CPEB3: variants seen among roughly 807,000 people sequenced by gnomAD.
CPEB3 encodes the protein cytoplasmic polyadenylation element-binding protein 3.
In CPEB3, 20 loss-of-function variants were observed where a neutral mutation model predicts 67.2. That is an observed-to-expected ratio of 0.30 (90% confidence interval 0.21 to 0.43). CPEB3 has a LOEUF of 0.43. CPEB3 is among the 20% of genes least tolerant of loss of function. The probability of loss-of-function intolerance (pLI) is 1.00; values close to 1 mark genes in which losing one functional copy is unlikely to be tolerated. For synonymous variants in CPEB3, 376 were observed against 393.1 expected (o/e 0.96, Z 0.51); for missense variants, 746 against 968.6 (o/e 0.77, Z 3.05).
At chr10:92,099,249 C>T (rs1249161449) in intron 7 of CPEB3, among the ~76,000 whole-genome samples, 2 of 146,234 alleles carry the variant, frequency 1.4e-5, no homozygotes, top group African/African-American at 5.1e-5. Flanking sequence ...GAGACAGGGT[C>T]TCAGTCTGTC....
At chr10:92,121,707 T>C (rs1845398760) in intron 6 of CPEB3, among the ~76,000 whole-genome samples, 1 of 151,992 alleles carries the variant, frequency 6.6e-6, no homozygotes, top group Non-Finnish European at 1.5e-5. Context: ...AGCTGTATCC[T>C]GAACCACTGC....
chr10:92,077,034 T>C (rs1049750077), intron 9 of CPEB3, among the ~76,000 whole-genome samples: 5 of 152,120 alleles, frequency 3.3e-5, no homozygotes, highest in African/African-American at 9.7e-5. Flanking sequence ...TTCTATGAGA[T>C]ATGAGACTAC....
At chr10:92,238,287 C>T (rs894685044) in intron 2 of CPEB3, among the ~76,000 whole-genome samples, 4 of 152,214 alleles carry the variant, frequency 2.6e-5, no homozygotes, top group Non-Finnish European at 2.9e-5. Flanking sequence ...ACCCGCACTA[C>T]GCCTTTCCAA....
rs757246595 is a variant in CPEB3, at chr10:92,240,183, G to A, written c.168C>T (p.Leu56=). ...GGGCCGGGGGGGCAGCGGCTGGGCTGAGGGCCGGCACTGCGCTGTTTTCCT... is the reference window on the plus strand; with the variant it reads ...GGGCCGGGGGGGCAGCGGCTGGGCTAAGGGCCGGCACTGCGCTGTTTTCCT... ...KPEENSAVPA[L]SPAAAPPAPN... is the part of the protein sequence containing the mutation. The change falls in exon 2 of 10, where the codon CTC becomes CTT. Residue 56 remains leucine, a synonymous_variant. Coordinates refer to ENST00000265997, the MANE Select transcript of CPEB3 (RefSeq NM_014912.5). 3.3e-6 allele frequency: 5 copies of A among 1,532,412 alleles called. No individual in the cohort carries two copies. In the African/African-American group the frequency reaches 5.5e-5, roughly 17 times the overall value. 94.9% of individuals were successfully genotyped at this position (1,532,412 alleles called of 1,614,324 possible).
intron 2 of CPEB3, among the ~76,000 whole-genome samples, chr10:92,209,149 G>A (rs1196755926): frequency 2.0e-5 from 3 of 152,116 alleles, no homozygotes; most frequent in African/African-American, 4.8e-5. Flanking sequence ...TAGCACTAAC[G>A]TTTGACAGTA....
chr10:92,258,677 T>TATATAC, intron 1 of CPEB3, among the ~76,000 whole-genome samples: 2 of 129,460 alleles, frequency 1.5e-5, no homozygotes, highest in Non-Finnish European at 3.2e-5. Flanking sequence ...TATATATATA[T>TATATAC]ATTTCATGTA....
At position 92,286,084 on chromosome 10, in the gene CPEB3, C is replaced by T. The variant is rs547688983; in HGVS notation, c.-12+4842G>A. ...CCGAGTAGCTGGGACTACAGGCGCCCGCCACCATGCCCGGCTAATTTTTTG... is the reference window on the plus strand; with the variant it reads ...CCGAGTAGCTGGGACTACAGGCGCCTGCCACCATGCCCGGCTAATTTTTTG... On this transcript the variant is annotated intron_variant, in intron 1 of 9. Transcript: ENST00000265997. 2.7e-4 allele frequency among the ~76,000 whole-genome samples: 41 copies of T among 151,798 alleles called. 1 individual carries two copies. Among genetic ancestry groups the T allele is most frequent in the African/African-American group, 9.4e-4 (39 of 41,430 alleles).
chr10:92,117,324 CTTT>C (rs35220275), intron 6 of CPEB3, among the ~76,000 whole-genome samples: 961 of 79,886 alleles, frequency 0.012, 14 homozygotes, highest in African/African-American at 0.045. Flanking sequence ...GCCTGGCTGA[CTTT>C]TTTTTTTTTT....
intron 6 of CPEB3, among the ~76,000 whole-genome samples, chr10:92,142,656 C>T (rs1846492704): frequency 6.6e-6 from 1 of 152,156 alleles, no homozygotes; most frequent in Non-Finnish European, 1.5e-5. Context: ...TTTACAAGAT[C>T]TATAAAACCA....
chr10:92,239,203 A>C lies in CPEB3; in HGVS notation c.1005+143T>G, dbSNP rs540408024. 1.5e-4 allele frequency: 129 copies of C among 857,416 alleles called. 3 individuals are homozygous for C. In the South Asian group the frequency reaches 1.8e-3, roughly 12 times the overall value. 53.1% of individuals were successfully genotyped at this position (857,416 alleles called of 1,614,324 possible). ...TCCTCTGATAATGGAACAGCCCTAAAGAACTGGAGGCTTCGGAAGGGGAAA... is the reference window on the plus strand; with the variant it reads ...TCCTCTGATAATGGAACAGCCCTAACGAACTGGAGGCTTCGGAAGGGGAAA... On this transcript the variant is annotated intron_variant, in intron 2 of 9. Coordinates refer to ENST00000265997, the MANE Select transcript of CPEB3 (RefSeq NM_014912.5). The surrounding 1 kb of genome is among the most constrained non-coding windows in gnomAD (Gnocchi z 6.0).
chr10:92,138,545 T>G lies in CPEB3; in HGVS notation c.1453+4484A>C, dbSNP rs778655133. On this transcript the variant is annotated intron_variant, in intron 6 of 9. Coordinates refer to ENST00000265997, the MANE Select transcript of CPEB3 (RefSeq NM_014912.5). Reference sequence around the variant, plus strand: ...AAAAAGGGAGGGTGAAAGATCTGAATAGGCATTTCTCAAAAGACAATATAC... The same window carrying G: ...AAAAAGGGAGGGTGAAAGATCTGAAGAGGCATTTCTCAAAAGACAATATAC... Among the ~76,000 whole-genome samples, 5 of 146,504 alleles carry G rather than the reference T, an allele frequency of 3.4e-5. No individual in the cohort carries two copies. The Admixed American group carries it at 3.4e-4, about 10-fold the overall frequency.
chr10:92,204,423 C>G (rs904814446), intron 2 of CPEB3: 1 of 152,226 alleles, frequency 6.6e-6, no homozygotes, highest in African/African-American at 2.4e-5. Flanking sequence ...GGCTCCTCCT[C>G]CTTTCAGAAA....
chr10:92,192,019 C>A (rs1326490451), intron 3 of CPEB3, among the ~76,000 whole-genome samples: 1 of 152,192 alleles, frequency 6.6e-6, no homozygotes, highest in Non-Finnish European at 1.5e-5. Flanking sequence ...TGTGGTGATA[C>A]TTCCTATACT....
At chr10:92,142,204 C>T (rs1374072605) in intron 6 of CPEB3, among the ~76,000 whole-genome samples, 2 of 152,054 alleles carry the variant, frequency 1.3e-5, no homozygotes, top group Non-Finnish European at 2.9e-5. Context: ...TAATTTGATT[C>T]ATTTATGAGG....
intron 1 of CPEB3, among the ~76,000 whole-genome samples, chr10:92,246,261 G>C (rs181878761): frequency 0.028 from 4,269 of 151,088 alleles, 78 homozygotes; most frequent in Non-Finnish European, 0.044. Context: ...GTGAACCCGG[G>C]AGGCGGAGCT....
chr10:92,286,806 C>T (rs1337823530), intron 1 of CPEB3, among the ~76,000 whole-genome samples: 1 of 151,968 alleles, frequency 6.6e-6, no homozygotes, highest in Non-Finnish European at 1.5e-5. Flanking sequence ...TACTCCAGGC[C>T]CCTTTATGGT....
At chr10:92,157,811 G>A (rs1170797758) in intron 4 of CPEB3, among the ~76,000 whole-genome samples, 1 of 151,868 alleles carries the variant, frequency 6.6e-6, no homozygotes, top group Non-Finnish European at 1.5e-5. Flanking sequence ...AAACTTTAAG[G>A]AGAAATAGTC....
intron 1 of CPEB3, among the ~76,000 whole-genome samples, chr10:92,259,399 C>T (rs368766118): frequency 1.3e-5 from 2 of 151,692 alleles, no homozygotes; most frequent in South Asian, 2.1e-4. Flanking sequence ...GTCAGGAGTT[C>T]GAGATAAGCC....
At chr10:92,128,646 T>G (rs942590935) in intron 6 of CPEB3, among the ~76,000 whole-genome samples, 1 of 152,046 alleles carries the variant, frequency 6.6e-6, no homozygotes, top group Non-Finnish European at 1.5e-5. Context: ...TTCAACAAAT[T>G]TATAAGAAAA....
Sources: allele counts gnomAD v4.1 joint callset (sites outside exome capture counted in the v4.1 genomes callset), GRCh38; gene constraint gnomAD v4.1.1; non-coding constraint Gnocchi (gnomAD v3.1); transcripts MANE v1.5; gene names NCBI Gene and HGNC (gene_info 2026-07-23, HGNC 2026-07-21).